Variants in MCUB observed in about 807,000 individuals in gnomAD.
MCUB encodes mitochondrial calcium uniporter dominant negative subunit beta, also known as calcium uniporter regulatory subunit MCUb, mitochondrial.
Under a neutral mutation model 41.4 loss-of-function variants are expected in MCUB, and 46 were observed. The ratio of observed to expected loss-of-function variants is 1.11; its 90% confidence interval spans 0.88 to 1.42. MCUB has a LOEUF of 1.42. Among genes scored for constraint, MCUB ranks in the 40% most tolerant of loss-of-function variants. The pLI, the probability that MCUB is intolerant of heterozygous loss-of-function variation, is 0.00. For synonymous variants in MCUB, 148 were observed against 148.2 expected (o/e 1.00, Z 0.01); for missense variants, 403 against 404.9 (o/e 1.00, Z 0.04).
chr4:109,572,877 C>T (rs1404243393), intron 1 of MCUB, among the ~76,000 whole-genome samples: 2 of 152,066 alleles, frequency 1.3e-5, no homozygotes, highest in East Asian at 3.9e-4. Context: ...TTGAACTAGT[C>T]ACTCTTGTGT....
At chr4:109,592,535 G>A (rs998319492) in intron 1 of MCUB, among the ~76,000 whole-genome samples, 1 of 152,040 alleles carries the variant, frequency 6.6e-6, no homozygotes, top group Non-Finnish European at 1.5e-5. Context: ...CACACTTAAG[G>A]TTATGTTCTC....
chr4:109,566,871 G>C (rs1316487940), intron 1 of MCUB, among the ~76,000 whole-genome samples: 1 of 152,146 alleles, frequency 6.6e-6, no homozygotes, highest in Non-Finnish European at 1.5e-5. Flanking sequence ...AACGCATTTA[G>C]TTTATATAGC....
At chr4:109,610,304 T>C (rs1727978411) in intron 1 of MCUB, among the ~76,000 whole-genome samples, 1 of 152,252 alleles carries the variant, frequency 6.6e-6, no homozygotes, top group Non-Finnish European at 1.5e-5. Flanking sequence ...TTGGTTCTTA[T>C]AAAGGTGTCT....
chr4:109,654,836 G>A (rs962602303), intron 1 of MCUB, among the ~76,000 whole-genome samples: 4 of 151,662 alleles, frequency 2.6e-5, no homozygotes, highest in Non-Finnish European at 5.9e-5. Context: ...GGCAGCACAT[G>A]TGTGGATATT....
chr4:109,571,471 C>T (rs1176568497), intron 1 of MCUB, among the ~76,000 whole-genome samples: 3 of 152,150 alleles, frequency 2.0e-5, no homozygotes, highest in Non-Finnish European at 2.9e-5. Context: ...CGCCATCCTG[C>T]CCAGCTAATT....
intron 1 of MCUB, among the ~76,000 whole-genome samples, chr4:109,645,878 TCAAA>T (rs1174233853): frequency 2.0e-5 from 3 of 152,286 alleles, no homozygotes; most frequent in South Asian, 2.1e-4. Context: ...TCAGGCTTTC[TCAAA>T]CAAACAGATG....
intron 1 of MCUB, among the ~76,000 whole-genome samples, chr4:109,650,255 T>G (rs1361195002): frequency 1.3e-5 from 2 of 152,216 alleles, no homozygotes; most frequent in African/African-American, 4.8e-5. Context: ...CTTTTAAGCT[T>G]TACTAACATG....
chr4:109,662,453 A>G (rs1729250137), intron 3 of MCUB, among the ~76,000 whole-genome samples: 1 of 152,218 alleles, frequency 6.6e-6, no homozygotes, highest in African/African-American at 2.4e-5. Context: ...AAAATGATAG[A>G]TGTTTATCCT....
At chr4:109,684,386 T>C (rs773391886) in intron 5 of MCUB, 57 bp from the exon 6 acceptor site, 27 of 1,395,406 alleles carry the variant, frequency 1.9e-5, no homozygotes, top group Non-Finnish European at 2.5e-5. Flanking sequence ...TCTTGCTTTT[T>C]GTCCCTTTAG....
intron 1 of MCUB, among the ~76,000 whole-genome samples, chr4:109,562,497 A>G (rs765968995): frequency 6.6e-6 from 1 of 152,174 alleles, no homozygotes; most frequent in Non-Finnish European, 1.5e-5. Context: ...CTGCTAATCA[A>G]ATTACCTGGC....
At chr4:109,639,460 C>T (rs763503798) in intron 1 of MCUB, among the ~76,000 whole-genome samples, 9 of 151,934 alleles carry the variant, frequency 5.9e-5, no homozygotes, top group South Asian at 4.2e-4. Context: ...GAGGCCGAGA[C>T]GGGTGGATCA....
chr4:109,583,815 G>A (rs999642711), intron 1 of MCUB, among the ~76,000 whole-genome samples: 4 of 152,154 alleles, frequency 2.6e-5, no homozygotes, highest in African/African-American at 9.7e-5. Context: ...CATCTATTGA[G>A]ATAATCATGG....
intron 6 of MCUB, chr4:109,684,916 A>AC: frequency 2.6e-6 from 1 of 383,288 alleles, no homozygotes; most frequent in Non-Finnish European, 4.6e-6. Flanking sequence ...TTTATAAAAA[A>AC]AACTGAATTT....
intron 1 of MCUB, among the ~76,000 whole-genome samples, chr4:109,656,726 A>G (rs6533446): frequency 0.24 from 35,776 of 151,988 alleles, 4,911 homozygotes; most frequent in South Asian, 0.34. Context: ...CTGTCTCATT[A>G]TTTTTATAGA....
chr4:109,589,815 A>G (rs1320707832), intron 1 of MCUB, among the ~76,000 whole-genome samples: 2 of 152,212 alleles, frequency 1.3e-5, no homozygotes, highest in Non-Finnish European at 2.9e-5. Flanking sequence ...TGCTCCGTGC[A>G]TACTATTCAC....
chr4:109,629,742 T>G (rs1489828090), intron 1 of MCUB, among the ~76,000 whole-genome samples: 1 of 152,254 alleles, frequency 6.6e-6, no homozygotes, highest in African/African-American at 2.4e-5. Context: ...GTGGCACTTC[T>G]GTCCACTCTC....
chr4:109,620,610 T>G (rs1728231627), intron 1 of MCUB, among the ~76,000 whole-genome samples: 1 of 151,866 alleles, frequency 6.6e-6, no homozygotes, highest in Admixed American at 6.6e-5. Context: ...CATTCAATTG[T>G]TATCATAACT....
At chr4:109,579,989 C>G (rs900173996) in intron 1 of MCUB, among the ~76,000 whole-genome samples, 1 of 152,160 alleles carries the variant, frequency 6.6e-6, no homozygotes, top group African/African-American at 2.4e-5. Flanking sequence ...CCCATTAACT[C>G]GTCATTTACA....
chr4:109,663,576 A>AT (rs1168744308), intron 3 of MCUB, among the ~76,000 whole-genome samples: 9 of 151,648 alleles, frequency 5.9e-5, no homozygotes, highest in Non-Finnish European at 1.0e-4. Flanking sequence ...TTGCCTCTTC[A>AT]TTTTTTTCAA....
Sources: gnomAD v4.1 joint callset for allele counts (sites outside exome capture counted in the v4.1 genomes callset) on GRCh38, gnomAD v4.1.1 for gene constraint, MANE v1.5 for transcripts, NCBI Gene and HGNC (gene_info 2026-07-23, HGNC 2026-07-21) for gene names.